The following TLR8 variants were observed in gnomAD, a reference collection of about 807,000 sequenced individuals.
TLR8 encodes toll like receptor 8.
A neutral mutation model predicts 18.5 loss-of-function variants in TLR8; 5 were observed. The observed-to-expected ratio is 0.27, with a 90% confidence interval of 0.14 to 0.57. The LOEUF is 0.57. TLR8 is among the 20% of genes least tolerant of loss of function. The pLI is 0.92. For missense variants in TLR8, 543 were observed against 769.8 expected (o/e 0.71, Z 3.49); for synonymous variants, 299 against 300.1 (o/e 1.00, Z 0.04).
chrX:12,919,900 C>T lies in TLR8; in HGVS notation c.860C>T (p.Thr287Ile). Residue 287 changes from threonine (T) to isoleucine (I), a missense_variant, in exon 2 of 2, where the codon ACC becomes ATC. This residue lies in a region of TLR8 where 185 missense variants were observed against 298.9 expected (regional missense o/e 0.62). Transcript: ENST00000218032. The stretch of plus-strand genomic sequence containing the variant: ...GATCGTTTTGCTTTTCAAAACTTGA[C>T]CCAACTTCGATACCTAAACCTCTCT... Reference protein sequence around the residue: ...NIDRFAFQNLTQLRYLNLSST... With the variant: ...NIDRFAFQNLIQLRYLNLSST... 1 of 1,211,095 alleles carries T rather than the reference C, an allele frequency of 8.3e-7. No individual in the cohort carries two copies. Among genetic ancestry groups the T allele is most frequent in the East Asian group, 3.0e-5 (1 of 33,830 alleles).
intron 1 of TLR8, among the ~76,000 whole-genome samples, chrX:12,917,285 A>G (rs1243949581): frequency 8.9e-6 from 1 of 112,384 alleles, no homozygotes; most frequent in Non-Finnish European, 1.9e-5. Flanking sequence ...ACTACTAGCA[A>G]CTGAACATGT....
intron 1 of TLR8, among the ~76,000 whole-genome samples, chrX:12,914,985 G>A (rs892418450): frequency 3.6e-5 from 4 of 111,651 alleles, no homozygotes; most frequent in Non-Finnish European, 7.5e-5. Context: ...AAATCACTAA[G>A]AGAGTCCATT....
At chrX:12,911,728 C>A (rs948521910) in intron 1 of TLR8, among the ~76,000 whole-genome samples, 6 of 112,682 alleles carry the variant, frequency 5.3e-5, no homozygotes, top group Admixed American at 1.9e-4. Context: ...TAATACTTAT[C>A]TTATTTCTAG....
rs766664187 is a variant in TLR8, at chrX:12,921,777, G to A, written c.2737G>A (p.Val913Ile). 6 of 1,209,748 alleles carry A rather than the reference G, an allele frequency of 5.0e-6. No individual in the cohort carries two copies. Among genetic ancestry groups the A allele is most frequent in the East Asian group, 5.9e-5 (2 of 33,779 alleles). Residue 913 changes from valine to isoleucine, a missense_variant, in exon 2 of 2, where the codon GTT becomes ATT. Val to Ile is a conservative substitution (Grantham distance 29). This residue lies in a region of TLR8 where 227 missense variants were observed against 312.9 expected (regional missense o/e 0.73). Coordinates refer to ENST00000218032, the MANE Select transcript of TLR8 (RefSeq NM_138636.5). Reference sequence around the variant, plus strand: ...CCTTGAAGAGAGCCGAGACAAAAACGTTCTCCTTTGTCTAGAGGAGAGGGA... The same window carrying A: ...CCTTGAAGAGAGCCGAGACAAAAACATTCTCCTTTGTCTAGAGGAGAGGGA... Reference protein sequence around the residue: ...YHLEESRDKNVLLCLEERDWD... With the variant: ...YHLEESRDKNILLCLEERDWD...
chrX:12,913,888 T>C (rs767649754), intron 1 of TLR8, among the ~76,000 whole-genome samples: 24 of 112,451 alleles, frequency 2.1e-4, no homozygotes, highest in African/African-American at 7.4e-4. Flanking sequence ...AGTGTAATTT[T>C]TGAGTGAGGT....
rs140860810 is a variant in TLR8, at chrX:12,906,748, G to T, written c.3+39G>T. The T allele has an allele frequency of 2.8e-5, 30 of 1,073,965 alleles. No individual in the cohort carries two copies. The Admixed American group carries it at 1.1e-3, about 39-fold the overall frequency. 88.5% of individuals were successfully genotyped at this position (1,073,965 alleles called of 1,213,427 possible). On this transcript the variant is annotated intron_variant, in intron 1 of 1. Coordinates refer to ENST00000218032, the MANE Select transcript of TLR8 (RefSeq NM_138636.5). ...ATTTCTTTAGCAAAGCTTTCCAACA[G>T]AATATGGGGTTTCTGACCCAGAAAT...
chrX:12,916,121 T>TAA (rs1343598130), intron 1 of TLR8, among the ~76,000 whole-genome samples: 1 of 111,641 alleles, frequency 9.0e-6, no homozygotes, highest in Non-Finnish European at 1.9e-5. Flanking sequence ...CCTCAGGTGA[T>TAA]CGGCCCGCCT....
intron 1 of TLR8, among the ~76,000 whole-genome samples, 170 bp from the exon 2 acceptor site, chrX:12,918,874 T>TA (rs1006023818): frequency 6.3e-5 from 7 of 111,791 alleles, no homozygotes; most frequent in Middle Eastern, 4.2e-3. Context: ...CTGAACATAG[T>TA]AAAAAAGTAA....
intron 1 of TLR8, among the ~76,000 whole-genome samples, chrX:12,914,556 A>G (rs2043041560): frequency 9.0e-6 from 1 of 111,556 alleles, no homozygotes; most frequent in African/African-American, 3.3e-5. Flanking sequence ...AGTGAATGAC[A>G]CCCATCCCTC....
chrX:12,911,720 A>C (rs1217785991), intron 1 of TLR8, among the ~76,000 whole-genome samples: 3 of 112,334 alleles, frequency 2.7e-5, no homozygotes, highest in South Asian at 3.7e-4. Flanking sequence ...TCCCAATCTA[A>C]TACTTATCTT....
Position 12,920,193 on chromosome X carries a change from G to A in TLR8, c.1153G>A (p.Asp385Asn), listed in dbSNP as rs978803127. 1 of 1,210,579 alleles carries A rather than the reference G, an allele frequency of 8.3e-7. No homozygotes were observed. Among genetic ancestry groups the A allele is most frequent in the Non-Finnish European group, 1.1e-6 (1 of 894,606 alleles). Reference sequence around the variant, plus strand: ...TTATGTGTTCCAGGAACTCAGAGAAGATGATTTCCAGCCCCTGATGCAGCT... The same window carrying A: ...TTATGTGTTCCAGGAACTCAGAGAAAATGATTTCCAGCCCCTGATGCAGCT... ...RGYVFQELREDDFQPLMQLPN... is the reference protein window; with the variant it reads ...RGYVFQELRENDFQPLMQLPN... The change falls in exon 2 of 2, where the codon GAT becomes AAT. Residue 385 changes from aspartate to asparagine, a missense_variant. Transcript: ENST00000218032.
chrX:12,914,016 C>T (rs1258149260), intron 1 of TLR8, among the ~76,000 whole-genome samples: 4 of 111,667 alleles, frequency 3.6e-5, no homozygotes, highest in Non-Finnish European at 7.5e-5. Context: ...AATGCATATA[C>T]CTGTTACATA....
intron 1 of TLR8, among the ~76,000 whole-genome samples, chrX:12,909,372 GC>G (rs2043005414): frequency 8.9e-6 from 1 of 112,001 alleles, no homozygotes; most frequent in Admixed American, 9.5e-5. Flanking sequence ...TTCCAGTGTG[GC>G]CCAGAGAAGC....
chrX:12,912,000 T>C (rs909779348), intron 1 of TLR8, among the ~76,000 whole-genome samples: 1 of 112,783 alleles, frequency 8.9e-6, no homozygotes, highest in African/African-American at 3.2e-5. Context: ...TCTTTTACTA[T>C]GGCTTTAATC....
At position 12,920,915 on chromosome X, in the gene TLR8, T is replaced by C; in HGVS notation, c.1875T>C (p.Asn625=). ...FSGNRLDILW[N]DDDNRYISIF... ...GCAATCGCCTTGACATTTTGTGGAA[T>C]GATGATGACAACAGGTATATCTCCA... The change falls in exon 2 of 2, where the codon AAT becomes AAC. Residue 625 remains asparagine, a synonymous_variant. Coordinates refer to ENST00000218032, the MANE Select transcript of TLR8 (RefSeq NM_138636.5). 8.3e-7 allele frequency: 1 copy of C among 1,210,821 alleles called. No individual in the cohort carries two copies. Among genetic ancestry groups the C allele is most frequent in the East Asian group, 3.0e-5 (1 of 33,853 alleles).
At chrX:12,910,540 G>A (rs1056393179) in intron 1 of TLR8, 14 of 957,559 alleles carry the variant, frequency 1.5e-5, no homozygotes, top group Admixed American at 5.8e-5. Context: ...ACATGGCAGC[G>A]TCCCTACCTT....
At chrX:12,917,486 A>G (rs2043063278) in intron 1 of TLR8, among the ~76,000 whole-genome samples, 2 of 112,583 alleles carry the variant, frequency 1.8e-5, no homozygotes. Context: ...ATTTTTAAAA[A>G]GGCACTTATC....
chrX:12,911,036 G>A (rs781466844), intron 1 of TLR8, among the ~76,000 whole-genome samples: 3 of 109,807 alleles, frequency 2.7e-5, no homozygotes, highest in Non-Finnish European at 5.7e-5. Flanking sequence ...CCCAGTGAAA[G>A]ATCTGGACCA....
At chrX:12,916,503 G>C (rs951946801) in intron 1 of TLR8, among the ~76,000 whole-genome samples, 4 of 111,958 alleles carry the variant, frequency 3.6e-5, no homozygotes, top group African/African-American at 1.3e-4. Context: ...TCTGAGCCCC[G>C]TTGCCCCTTC....
Sources: allele counts gnomAD v4.1 joint callset (sites outside exome capture counted in the v4.1 genomes callset), GRCh38; gene constraint gnomAD v4.1.1; regional missense constraint gnomAD v4.1.1; transcripts MANE v1.5; gene names NCBI Gene and HGNC (gene_info 2026-07-23, HGNC 2026-07-21).